The following MYH11 variants were observed in gnomAD, a reference collection of about 807,000 sequenced individuals.
MYH11 encodes myosin-11.
Under a neutral mutation model 246.6 loss-of-function variants are expected in MYH11, and 80 were observed. That is an observed-to-expected ratio of 0.32 (90% CI 0.27 to 0.39). MYH11 has a LOEUF of 0.39. Among genes scored for constraint, MYH11 ranks in the 10% least tolerant of loss-of-function variants. MYH11 has a pLI of 1.00. For missense variants in MYH11, 2,158 were observed against 2,546.8 expected (o/e 0.85, Z 3.29); for synonymous variants, 1,071 against 1,015.5 (o/e 1.05, Z -1.04).
At chr16:15,763,682 C>A in intron 10 of MYH11, 114 bp downstream of exon 10, 1 of 900,072 alleles carries the variant, frequency 1.1e-6, no homozygotes, top group South Asian at 1.3e-5. Context: ...CCTAGTCCAA[C>A]TGTTGTTAAA....
chr16:15,802,817 TG>T (rs2042917594), intron 3 of MYH11, among the ~76,000 whole-genome samples: 1 of 152,094 alleles, frequency 6.6e-6, no homozygotes. Flanking sequence ...GAGGTCATCC[TG>T]GCTTGGAGTG....
intron 25 of MYH11, among the ~76,000 whole-genome samples, chr16:15,736,019 G>A (rs2041107252): frequency 6.6e-6 from 1 of 152,212 alleles, no homozygotes; most frequent in South Asian, 2.1e-4. Context: ...CTGCTTGCGG[G>A]GGATATTCAG....
chr16:15,852,044 G>C (rs149712265), intron 1 of MYH11, among the ~76,000 whole-genome samples: 1 of 152,164 alleles, frequency 6.6e-6, no homozygotes, highest in African/African-American at 2.4e-5. Flanking sequence ...AGGAGGGGAC[G>C]GTGGGTGAGT....
intron 20 of MYH11, among the ~76,000 whole-genome samples, chr16:15,743,311 G>A (rs1225070596): frequency 6.6e-6 from 1 of 152,148 alleles, no homozygotes; most frequent in Non-Finnish European, 1.5e-5. Context: ...TGGGATTACA[G>A]GTGCCCACCA....
chr16:15,829,275 A>G (rs754798464), intron 2 of MYH11, among the ~76,000 whole-genome samples: 6 of 152,206 alleles, frequency 3.9e-5, no homozygotes, highest in Non-Finnish European at 7.4e-5. Context: ...AAAGAGGAAT[A>G]TGACTTCCAT....
chr16:15,776,189 G>A lies in MYH11; in HGVS notation c.791-13C>T. On this transcript the variant is annotated splice_polypyrimidine_tract_variant and intron_variant, in intron 7 of 40. Transcript: ENST00000300036. ...TTTTCTAGCAGATCTGGTTTGGAGG[G>A]AGTTAGGGATTCTGGGGATACTGCG... The A allele has an allele frequency of 6.3e-7, 1 of 1,594,578 alleles. No homozygotes were observed. Among genetic ancestry groups the A allele is most frequent in the Non-Finnish European group, 8.6e-7 (1 of 1,162,232 alleles).
At chr16:15,725,150 C>CAA in intron 28 of MYH11, 158 bp from the exon 29 acceptor site, 1 of 522,720 alleles carries the variant, frequency 1.9e-6, no homozygotes, top group Non-Finnish European at 3.4e-6. Flanking sequence ...AAAAAAAAAA[C>CAA]ACACACACAC....
At chr16:15,725,037 A>G (rs573406493) in intron 28 of MYH11, 45 bp from the exon 29 acceptor site, 4 of 1,548,390 alleles carry the variant, frequency 2.6e-6, no homozygotes, top group Non-Finnish European at 3.5e-6. Flanking sequence ...CTAGAAGGGG[A>G]TCCTCGTTGA....
intron 14 of MYH11, among the ~76,000 whole-genome samples, chr16:15,755,045 C>T (rs1567731179): frequency 6.6e-6 from 1 of 152,142 alleles, no homozygotes; most frequent in Non-Finnish European, 1.5e-5. Flanking sequence ...CAGCCATAGA[C>T]ATTATGCATA....
intron 2 of MYH11, 105 bp from the exon 3 acceptor site, chr16:15,823,516 G>C (rs2043473574): frequency 4.2e-6 from 6 of 1,420,058 alleles, no homozygotes; most frequent in East Asian, 2.3e-5. Context: ...CTGGAGCTTG[G>C]AGTCTTAGTG....
chr16:15,775,248 T>C (rs760087373), intron 8 of MYH11, among the ~76,000 whole-genome samples: 4 of 152,220 alleles, frequency 2.6e-5, no homozygotes, highest in Non-Finnish European at 5.9e-5. Context: ...TAAAAAAACT[T>C]TTCCCTACAA....
At chr16:15,751,122 T>C (rs1465824820) in intron 15 of MYH11, among the ~76,000 whole-genome samples, 1 of 28,346 alleles carries the variant, frequency 3.5e-5, no homozygotes, top group Admixed American at 3.4e-4. Context: ...AAGTAGGTAT[T>C]ATTATTATTA....
At chr16:15,821,072 A>G (rs1003797903) in intron 3 of MYH11, among the ~76,000 whole-genome samples, 8 of 152,158 alleles carry the variant, frequency 5.3e-5, no homozygotes, top group African/African-American at 1.9e-4. Flanking sequence ...GGGTTTCGCC[A>G]TATTGCCCAG....
intron 3 of MYH11, among the ~76,000 whole-genome samples, chr16:15,801,037 C>T (rs1169897911): frequency 6.6e-6 from 1 of 151,844 alleles, no homozygotes; most frequent in Non-Finnish European, 1.5e-5. Context: ...GAAACCCCAT[C>T]TCCACTAAAA....
At chr16:15,728,934 G>A (rs550680232) in intron 27 of MYH11, among the ~76,000 whole-genome samples, 10 of 152,126 alleles carry the variant, frequency 6.6e-5, no homozygotes, top group East Asian at 1.9e-4. Flanking sequence ...AGTAGGACGC[G>A]GTGAGGGGCT....
At chr16:15,725,328 A>G (rs893688185) in intron 28 of MYH11, 1 of 562,158 alleles carries the variant, frequency 1.8e-6, no homozygotes, top group South Asian at 2.2e-5. Flanking sequence ...GTAGAGACAA[A>G]GCAGCAGGTC....
At chr16:15,788,798 A>G (rs11646978) in intron 4 of MYH11, among the ~76,000 whole-genome samples, 48,010 of 104,116 alleles carry the variant, frequency 0.46, 9,155 homozygotes, top group African/African-American at 0.62. Flanking sequence ...ACCAGAATAT[A>G]TGTGTGTGTG....
At chr16:15,726,592 C>T (rs970296354) in intron 28 of MYH11, 6 of 568,604 alleles carry the variant, frequency 1.1e-5, no homozygotes, top group South Asian at 4.0e-5. Context: ...GGTCTCAAAC[C>T]CCTGACCTCA....
intron 14 of MYH11, among the ~76,000 whole-genome samples, chr16:15,756,042 G>A (rs926661340): frequency 1.3e-5 from 2 of 152,140 alleles, no homozygotes; most frequent in East Asian, 3.9e-4. Context: ...AGGCTGTAGT[G>A]AGCTATGATC....
Sources: allele counts gnomAD v4.1 joint callset (sites outside exome capture counted in the v4.1 genomes callset), GRCh38; gene constraint gnomAD v4.1.1; transcripts MANE v1.5; gene names NCBI Gene and HGNC (gene_info 2026-07-23, HGNC 2026-07-21).